The following DYNC2H1 variants were observed in gnomAD, a reference collection of about 807,000 sequenced individuals.
DYNC2H1 encodes cytoplasmic dynein 2 heavy chain 1.
DYNC2H1 carries 410 observed loss-of-function variants against 570.0 expected under a neutral mutation model. The observed-to-expected ratio is 0.72, with a 90% confidence interval of 0.66 to 0.78. The LOEUF is 0.78. Among genes scored for constraint, DYNC2H1 ranks in the 30% least tolerant of loss-of-function variants. The pLI, the probability that DYNC2H1 is intolerant of heterozygous loss-of-function variation, is 0.00. For synonymous variants in DYNC2H1, 1,688 were observed against 1,677.6 expected (o/e 1.01, Z -0.15); for missense variants, 4,865 against 5,046.4 (o/e 0.96, Z 1.09).
intron 39 of DYNC2H1, among the ~76,000 whole-genome samples, chr11:103,179,868 A>T (rs1028615978): frequency 6.6e-6 from 1 of 151,688 alleles, no homozygotes; most frequent in African/African-American, 2.4e-5. Flanking sequence ...GAAAATCAGT[A>T]ATATTTTGGC....
Position 103,403,373 on chromosome 11 carries a change from A to G in DYNC2H1, c.12366+3501A>G, listed in dbSNP as rs148051310. 1.2e-4 allele frequency: 19 copies of G among 152,178 alleles called. No individual in the cohort carries two copies. In the East Asian group the frequency reaches 3.5e-3, roughly 28 times the overall value. 9.4% of individuals were successfully genotyped at this position (152,178 alleles called of 1,614,324 possible). Reference sequence around the variant, plus strand: ...CTGAATAATGTAGAATAAAGTTATGATTATTGACAAGATAACAATAGATCA... The same window carrying G: ...CTGAATAATGTAGAATAAAGTTATGGTTATTGACAAGATAACAATAGATCA... On this transcript the variant is annotated intron_variant, in intron 84 of 88. Transcript: ENST00000375735.
chr11:103,390,561 G>T (rs1591669733), intron 83 of DYNC2H1, among the ~76,000 whole-genome samples: 3 of 152,222 alleles, frequency 2.0e-5, no homozygotes, highest in Admixed American at 2.0e-4. Context: ...TGGTTATTTT[G>T]CTCGTTAGTT....
chr11:103,121,495 A>C lies in DYNC2H1; in HGVS notation c.1484A>C (p.Lys495Thr), dbSNP rs202233363. The C allele has an allele frequency of 3.7e-3, 5,936 of 1,611,440 alleles. 23 individuals carry two copies. Among genetic ancestry groups the C allele is most frequent in the Non-Finnish European group, 4.7e-3 (5,503 of 1,178,920 alleles). ...SIVWVRQLELKVDDTIKIAEA... is the reference protein window; with the variant it reads ...SIVWVRQLELTVDDTIKIAEA... ...GTTTGGGTTCGCCAGTTGGAATTGA[A>C]GGTATTTATTTTAATAAAAGATGAA... is the stretch of plus-strand genomic sequence containing the variant. The change falls in exon 10 of 89, where the codon AAG becomes ACG. Residue 495 changes from lysine to threonine, a missense_variant and splice_region_variant. Lys to Thr is a moderately conservative substitution (Grantham distance 78, BLOSUM62 -1). This residue lies in a region of DYNC2H1 where 1,936 missense variants were observed against 1,962.1 expected (regional missense o/e 0.99). Coordinates refer to ENST00000375735, the MANE Select transcript of DYNC2H1 (RefSeq NM_001377.3).
At chr11:103,200,325 T>G (rs1243948270) in intron 50 of DYNC2H1, among the ~76,000 whole-genome samples, 171 bp downstream of exon 50, 1 of 152,212 alleles carries the variant, frequency 6.6e-6, no homozygotes, top group African/African-American at 2.4e-5. Context: ...GACTCCATTT[T>G]TATAAAACCA....
At position 103,245,300 on chromosome 11, in the gene DYNC2H1, C is replaced by T. The variant is rs1297244083; in HGVS notation, c.9968C>T (p.Thr3323Ile). ...GAATTAGCAGTACGTTTTGGGAAAA[C>T]CCTTATTATACAAGAGATGGATGGT... Reference protein sequence around the residue: ...ALELAVRFGKTLIIQEMDGVE... With the variant: ...ALELAVRFGKILIIQEMDGVE... Residue 3323 changes from threonine to isoleucine, a missense_variant, in exon 65 of 89, where the codon ACC becomes ATC. Physicochemically the swap from Thr to Ile is moderately conservative, Grantham distance 89 (BLOSUM62 -1). This residue lies in a region of DYNC2H1 where 2,401 missense variants were observed against 2,454.6 expected (regional missense o/e 0.98). Coordinates refer to ENST00000375735, the MANE Select transcript of DYNC2H1 (RefSeq NM_001377.3). This position sits in a 1 kb window ranked among gnomAD's most constrained non-coding sequence, Gnocchi z 4.5. 3 of 1,559,662 alleles carry T rather than the reference C, an allele frequency of 1.9e-6. No homozygotes were observed. Among genetic ancestry groups the T allele is most frequent in the African/African-American group, 2.7e-5 (2 of 73,502 alleles).
At chr11:103,210,886 TAACTTGC>T (rs1863129924) in intron 53 of DYNC2H1, among the ~76,000 whole-genome samples, 1 of 152,112 alleles carries the variant, frequency 6.6e-6, no homozygotes, top group Non-Finnish European at 1.5e-5. Flanking sequence ...GTTTGGATTC[TAACTTGC>T]AGGTGATAGG....
In DYNC2H1 at chr11:103,153,436, A is replaced by G; in HGVS notation, c.3230A>G (p.Asp1077Gly). The change falls in exon 22 of 89, where the codon GAT becomes GGT. Residue 1077 changes from aspartate to glycine, a missense_variant. This residue lies in a region of DYNC2H1 where 1,936 missense variants were observed against 1,962.1 expected (regional missense o/e 0.99). Transcript: ENST00000375735. ...VIETGQHNTL[D>G]KSAKLIKEKK... ...GAAACTGGCCAACATAATACTCTTG[A>G]TAAAAGTGCAAAGTTAATAAAAGAG... is the stretch of plus-strand genomic sequence containing the variant. 1 of 1,568,666 alleles carries G rather than the reference A, an allele frequency of 6.4e-7. No individual in the cohort carries two copies. Among genetic ancestry groups the G allele is most frequent in the Non-Finnish European group, 8.6e-7 (1 of 1,156,490 alleles).
At chr11:103,317,283 T>C (rs562217542) in intron 80 of DYNC2H1, among the ~76,000 whole-genome samples, 2 of 152,236 alleles carry the variant, frequency 1.3e-5, no homozygotes, top group African/African-American at 4.8e-5. Context: ...TACTTTTTCC[T>C]GATTCTGCCT....
Position 103,199,099 on chromosome 11 carries a change from T to A in DYNC2H1, c.7840-129T>A, listed in dbSNP as rs938979519. 4 of 560,816 alleles carry A rather than the reference T, an allele frequency of 7.1e-6. No homozygotes were observed. The Admixed American group carries it at 1.0e-4, about 15-fold the overall frequency. 34.7% of individuals were successfully genotyped at this position (560,816 alleles called of 1,614,324 possible). ...GACATATAAAATATTGAGTGTGAGATGATATGTAGTCACTTTACTTTTTTT... is the reference window on the plus strand; with the variant it reads ...GACATATAAAATATTGAGTGTGAGAAGATATGTAGTCACTTTACTTTTTTT... On this transcript the variant is annotated intron_variant, in intron 48 of 88. Coordinates refer to ENST00000375735, the MANE Select transcript of DYNC2H1 (RefSeq NM_001377.3). The surrounding 1 kb of genome is among the most constrained non-coding windows in gnomAD (Gnocchi z 4.6).
At chr11:103,222,308 A>G (rs1863618344) in intron 58 of DYNC2H1, among the ~76,000 whole-genome samples, 155 bp downstream of exon 58, 1 of 152,216 alleles carries the variant, frequency 6.6e-6, no homozygotes, top group Admixed American at 6.5e-5. Context: ...AGCATTAACC[A>G]TCAGAATCAG....
At chr11:103,381,432 TA>T (rs1941640763) in intron 83 of DYNC2H1, among the ~76,000 whole-genome samples, 1 of 149,364 alleles carries the variant, frequency 6.7e-6, no homozygotes. Flanking sequence ...CAATATCTTT[TA>T]TTTATTTTAT....
At chr11:103,340,041 A>G (rs1454209689) in intron 82 of DYNC2H1, among the ~76,000 whole-genome samples, 1 of 152,188 alleles carries the variant, frequency 6.6e-6, no homozygotes, top group African/African-American at 2.4e-5. Context: ...TGGGGGAGGA[A>G]TGTTGTAGGT....
intron 88 of DYNC2H1, chr11:103,473,979 A>G (rs148337510): frequency 1.9e-5 from 3 of 155,920 alleles, no homozygotes; most frequent in Non-Finnish European, 2.9e-5. Flanking sequence ...AGATGTTAAA[A>G]TATCACATAT....
rs952087994 is a variant in DYNC2H1, at chr11:103,136,354, T to G, written c.2574+406T>G. On this transcript the variant is annotated intron_variant, in intron 17 of 88. Coordinates refer to ENST00000375735, the MANE Select transcript of DYNC2H1 (RefSeq NM_001377.3). ...CTCGTCATTTACCATTAGGTATATCTCCTAATACTATCCCTCCCCCCTCCC... is the reference window on the plus strand; with the variant it reads ...CTCGTCATTTACCATTAGGTATATCGCCTAATACTATCCCTCCCCCCTCCC... Among the ~76,000 whole-genome samples, 11 of 152,030 alleles carry G rather than the reference T, an allele frequency of 7.2e-5. No homozygotes were observed. In the East Asian group the frequency reaches 2.1e-3, roughly 29 times the overall value.
At position 103,453,615 on chromosome 11, in the gene DYNC2H1, CATATATATATATATAT is replaced by C. The variant is rs66628059; in HGVS notation, c.12457-1559_12457-1544del. ...TGATTATCAGCCATGTTAGTTTAGACATATATATATATATATATATATATATACACACATTCATTAC... is the reference window on the plus strand; with the variant it reads ...TGATTATCAGCCATGTTAGTTTAGACATATATATATACACACATTCATTAC... On this transcript the variant is annotated intron_variant, in intron 85 of 88. Coordinates refer to ENST00000375735, the MANE Select transcript of DYNC2H1 (RefSeq NM_001377.3). Among the ~76,000 whole-genome samples, 223 of 136,632 alleles carry C rather than the reference CATATATATATATATAT, an allele frequency of 1.6e-3. 2 individuals are homozygous for C. The highest frequency in any genetic ancestry group is 6.1e-3 in the African/African-American group (213 of 34,862). 89.6% of individuals were successfully genotyped at this position (136,632 alleles called of 152,430 possible).
chr11:103,178,283 A>G (rs116266482), intron 38 of DYNC2H1, among the ~76,000 whole-genome samples: 3,031 of 152,220 alleles, frequency 0.02, 94 homozygotes, highest in African/African-American at 0.068. Context: ...GTTTTTTAAG[A>G]GAATTTTTGG....
At chr11:103,171,217 G>T in intron 34 of DYNC2H1, 149 bp downstream of exon 34, 1 of 688,534 alleles carries the variant, frequency 1.5e-6, no homozygotes, top group Non-Finnish European at 2.1e-6. Flanking sequence ...GCTATAAAAC[G>T]TTTCTGAGGT....
At chr11:103,311,787 T>G (rs1867600468) in intron 78 of DYNC2H1, 91 bp from the exon 79 acceptor site, 5 of 1,325,380 alleles carry the variant, frequency 3.8e-6, no homozygotes, top group Non-Finnish European at 5.1e-6. Flanking sequence ...GTGAAAAATT[T>G]TCTTTAAATT....
chr11:103,307,853 A>T (rs1565482634), intron 78 of DYNC2H1, 22 bp downstream of exon 78: 1 of 1,433,070 alleles, frequency 7.0e-7, no homozygotes, highest in East Asian at 2.4e-5. Flanking sequence ...TAAAACTTGG[A>T]TCACCAGTTG....
Sources: gnomAD v4.1 joint callset for allele counts (sites outside exome capture counted in the v4.1 genomes callset) on GRCh38, gnomAD v4.1.1 for gene constraint, gnomAD v4.1.1 regional missense constraint, Gnocchi (gnomAD v3.1) non-coding constraint, MANE v1.5 for transcripts, NCBI Gene and HGNC (gene_info 2026-07-23, HGNC 2026-07-21) for gene names.